Variants in INTS11 observed in about 807,000 individuals in gnomAD.
INTS11 encodes the protein integrator complex subunit 11, also known as CPSF3-like protein.
INTS11 carries 77 observed loss-of-function variants against 78.6 expected under a neutral mutation model. The observed-to-expected ratio is 0.98, with a 90% CI of 0.81 to 1.18. INTS11 has a LOEUF of 1.18. Among genes scored for constraint, INTS11 ranks in the 50% most tolerant of loss-of-function variants. The pLI, the probability that INTS11 is intolerant of heterozygous loss-of-function variation, is 0.00. For synonymous variants in INTS11, 441 were observed against 326.9 expected (o/e 1.35, Z -3.77); for missense variants, 875 against 825.9 (o/e 1.06, Z -0.73).
Position 1,311,969 on chromosome 1 carries a change from G to A in INTS11, c.1738-45C>T, listed in dbSNP as rs754469585. ...ATTGTGGGTGGTGCAGGACAGGGAG[G>A]AATGTTGATACCTGTGTTGACCGCG... is the stretch of plus-strand genomic sequence containing the variant. On this transcript the variant is annotated intron_variant, in intron 16 of 16. Transcript: ENST00000435064. 22 of 1,596,278 alleles carry A rather than the reference G, an allele frequency of 1.4e-5. No individual in the cohort carries two copies. The Admixed American group carries it at 1.8e-4, about 13-fold the overall frequency.
In INTS11 at chr1:1,315,409, G is replaced by A. The variant is rs777169914; in HGVS notation, c.558C>T (p.His186=). Residue 186 remains histidine, a synonymous_variant, in exon 6 of 17, where the codon CAC becomes CAT. Coordinates refer to ENST00000435064, the MANE Select transcript of INTS11 (RefSeq NM_017871.6). ...AGACACCTCAGCCTACTTACCCTAA[G>A]TGTCGGTCTGGGGTCATGTTATAAT... is the stretch of plus-strand genomic sequence containing the variant. ...TGDYNMTPDR[H]LGAAWIDKCR... The A allele has an allele frequency of 2.3e-5, 37 of 1,613,418 alleles. No homozygotes were observed. Among genetic ancestry groups the A allele is most frequent in the Non-Finnish European group, 3.1e-5 (36 of 1,179,970 alleles).
chr1:1,321,902 A>AAC, intron 1 of INTS11: 1 of 328,290 alleles, frequency 3.0e-6, no homozygotes, highest in Non-Finnish European at 4.7e-6. Flanking sequence ...CTTGAATCCC[A>AAC]CCCACCTCCC....
rs146230519 is a variant in INTS11, at chr1:1,312,074, C to T, written c.1681G>A (p.Ala561Thr). The T allele has an allele frequency of 3.3e-4, 515 of 1,573,196 alleles. No homozygotes were observed. Among genetic ancestry groups the T allele is most frequent in the Non-Finnish European group, 3.8e-4 (443 of 1,158,276 alleles). ...VTVESVLLQA[A>T]APSEDPGTKV... ...GTGCCTGGGTCCTCAGAAGGGGCGG[C>T]GGCCTGGAGGAGGACGGACTCCACA... Residue 561 changes from alanine to threonine, a missense_variant, in exon 16 of 17, where the codon GCC becomes ACC. Ala to Thr is a moderately conservative substitution (Grantham distance 58). Transcript: ENST00000435064.
At chr1:1,321,246 A>G in intron 1 of INTS11, 153 bp from the exon 2 acceptor site, 1 of 611,490 alleles carries the variant, frequency 1.6e-6, no homozygotes. Flanking sequence ...ACCCCTACTC[A>G]CAGGAAGGGG....
chr1:1,322,998 A>G, intron 1 of INTS11: 1 of 1,388,360 alleles, frequency 7.2e-7, no homozygotes, highest in Admixed American at 2.9e-5. Flanking sequence ...CAGAACAGGC[A>G]GCCAAGAGGC....
In INTS11 at chr1:1,315,169, C is replaced by T. The variant is rs780285310; in HGVS notation, c.564-207G>A. Reference sequence around the variant, plus strand: ...CACCCACCCAGACACTTCGGAAGAGCGAGACAGAGGCACCCACCCAGAGAC... The same window carrying T: ...CACCCACCCAGACACTTCGGAAGAGTGAGACAGAGGCACCCACCCAGAGAC... On this transcript the variant is annotated intron_variant, in intron 6 of 16. Transcript: ENST00000435064. 7.6e-5 allele frequency: 56 copies of T among 732,600 alleles called. 1 individual carries two copies. Among genetic ancestry groups the T allele is most frequent in the Middle Eastern group, 3.8e-4 (1 of 2,600 alleles). The allele number at this position is 732,600 out of a possible 1,614,324, so 45.4% of individuals were successfully genotyped here.
At chr1:1,319,229 G>C (rs766691612) in intron 4 of INTS11, 67 bp downstream of exon 4, 7 of 1,322,870 alleles carry the variant, frequency 5.3e-6, no homozygotes, top group Admixed American at 3.4e-5. Flanking sequence ...TGTGTAGAAC[G>C]GGCGGAGGGC....
chr1:1,315,170 G>C, intron 6 of INTS11: 2 of 727,750 alleles, frequency 2.7e-6, no homozygotes. Flanking sequence ...TCGGAAGAGC[G>C]AGACAGAGGC....
Position 1,312,158 on chromosome 1 carries a change from G to T in INTS11, c.1608-11C>A, listed in dbSNP as rs1277013470. 1 of 1,509,726 alleles carries T rather than the reference G, an allele frequency of 6.6e-7. No individual in the cohort carries two copies. Among genetic ancestry groups the T allele is most frequent in the South Asian group, 1.2e-5 (1 of 83,030 alleles). The allele number at this position is 1,509,726 out of a possible 1,614,324, so 93.5% of individuals were successfully genotyped here. On this transcript the variant is annotated splice_polypyrimidine_tract_variant and intron_variant, in intron 15 of 16. Coordinates refer to ENST00000435064, the MANE Select transcript of INTS11 (RefSeq NM_017871.6). Reference sequence around the variant, plus strand: ...TGGTCCTTCAGGACGCTGTGGGGAGGCTCGGTGAGACCCTGCCTGGCCTCC... The same window carrying T: ...TGGTCCTTCAGGACGCTGTGGGGAGTCTCGGTGAGACCCTGCCTGGCCTCC...
At position 1,312,381 on chromosome 1, in the gene INTS11, G is replaced by C. The variant is rs542458871; in HGVS notation, c.1465-13C>G. The C allele has an allele frequency of 2.6e-5, 41 of 1,567,584 alleles. No homozygotes were observed. In the East Asian group the frequency reaches 8.4e-4, roughly 32 times the overall value. On this transcript the variant is annotated splice_polypyrimidine_tract_variant and intron_variant, in intron 14 of 16. Transcript: ENST00000435064. ...CCAGCCGGAAGTTCTGTGGGGCAGGGACAGGTCAGTGAGCGCAGCAGCGGC... is the reference window on the plus strand; with the variant it reads ...CCAGCCGGAAGTTCTGTGGGGCAGGCACAGGTCAGTGAGCGCAGCAGCGGC...
At chr1:1,318,647 CAA>C (rs372595666) in intron 4 of INTS11, 1,103 of 316,606 alleles carry the variant, frequency 3.5e-3, no homozygotes, top group South Asian at 7.2e-3. Flanking sequence ...GAGACACTGT[CAA>C]AAAAAAAAAA....
chr1:1,315,790 C>T (rs1376035544), intron 4 of INTS11, 172 bp from the exon 5 acceptor site: 2 of 40,904 alleles, frequency 4.9e-5, no homozygotes, highest in Non-Finnish European at 1.0e-4. Context: ...GGGAGGGAGG[C>T]GGGCAGCGAG....
chr1:1,320,229 C>A (rs1397445836), intron 3 of INTS11: 7 of 541,494 alleles, frequency 1.3e-5, no homozygotes, highest in Non-Finnish European at 2.3e-5. Flanking sequence ...GCCTGGAGGG[C>A]CGGGTTCAGA....
chr1:1,313,190 G>A, intron 10 of INTS11, 66 bp from the exon 11 acceptor site: 3 of 1,520,560 alleles, frequency 2.0e-6, no homozygotes, highest in South Asian at 1.2e-5. Flanking sequence ...CCTTGCCCGG[G>A]ATGCCCCCGC....
In INTS11 at chr1:1,314,273, C is replaced by G; in HGVS notation, c.767+28G>C. ...TGTGTTCAGGCCGGGCCAGGGGCTC[C>G]TTAAAGAGCCGTCCTGGCGGCACCT... On this transcript the variant is annotated intron_variant, in intron 8 of 16. Transcript: ENST00000435064. This position sits in a 1 kb window ranked among gnomAD's most constrained non-coding sequence, Gnocchi z 4.2. The G allele has an allele frequency of 1.9e-6, 3 of 1,569,364 alleles. No individual in the cohort carries two copies. The highest frequency in any genetic ancestry group is 2.6e-6 in the Non-Finnish European group (3 of 1,157,364).
In INTS11 at chr1:1,312,213, G is replaced by GGGGGGGCCCCCGCCCCCCCCC; in HGVS notation, c.1607+12_1607+13insGGGGGGGGGCGGGGGCCCCCC. On this transcript the variant is annotated intron_variant, in intron 15 of 16. Coordinates refer to ENST00000435064, the MANE Select transcript of INTS11 (RefSeq NM_017871.6). Reference sequence around the variant, plus strand: ...CCCAAGGGAGTGGGGGGGGGGCGGGGCCGGGCGCCCACCTCTTGAGGTGGC... The same window carrying GGGGGGGCCCCCGCCCCCCCCC: ...CCCAAGGGAGTGGGGGGGGGGCGGGGGGGGGGCCCCCGCCCCCCCCCCCGGGCGCCCACCTCTTGAGGTGGC... The GGGGGGGCCCCCGCCCCCCCCC allele has an allele frequency of 1.1e-6, 1 of 934,628 alleles. No homozygotes were observed. Among genetic ancestry groups the GGGGGGGCCCCCGCCCCCCCCC allele is most frequent in the Non-Finnish European group, 1.6e-6 (1 of 636,678 alleles). The allele number at this position is 934,628 out of a possible 1,614,324, so 57.9% of individuals were successfully genotyped here.
chr1:1,321,898 T>TACCCCCCCCCCCC, intron 1 of INTS11: 2 of 1,141,972 alleles, frequency 1.8e-6, no homozygotes, highest in Non-Finnish European at 2.3e-6. Flanking sequence ...TCCCCTTGAA[T>TACCCCCCCCCCCC]CCCACCCACC....
chr1:1,319,213 A>G, intron 4 of INTS11, 83 bp downstream of exon 4: 1 of 1,241,664 alleles, frequency 8.1e-7, no homozygotes, highest in Non-Finnish European at 1.2e-6. Context: ...CCAGCCTTCC[A>G]GAAACTGTGT....
chr1:1,320,301 G>A lies in INTS11; in HGVS notation c.200+155C>T, dbSNP rs1017508192. 3.3e-4 allele frequency: 235 copies of A among 701,676 alleles called. 1 individual carries two copies. The highest frequency in any genetic ancestry group is 5.1e-4 in the Non-Finnish European group (200 of 395,378). The allele number at this position is 701,676 out of a possible 1,614,324, so 43.5% of individuals were successfully genotyped here. On this transcript the variant is annotated intron_variant, in intron 3 of 16. Coordinates refer to ENST00000435064, the MANE Select transcript of INTS11 (RefSeq NM_017871.6). ...AGAGACCAGGCCATGTGTGTGACCA[G>A]TAAGGCAGGCAGGGAGCAGATCCTG... is the stretch of plus-strand genomic sequence containing the variant.
Sources: gnomAD v4.1 joint callset for allele counts on GRCh38, gnomAD v4.1.1 for gene constraint, Gnocchi (gnomAD v3.1) non-coding constraint, MANE v1.5 for transcripts, NCBI Gene and HGNC (gene_info 2026-07-23, HGNC 2026-07-21) for gene names.